Variants in ATRNL1 observed in about 807,000 individuals in gnomAD.
ATRNL1 encodes attractin like 1.
A neutral mutation model predicts 182.7 loss-of-function variants in ATRNL1; 95 were observed. The ratio of observed to expected loss-of-function variants is 0.52; its 90% CI spans 0.44 to 0.62. ATRNL1 has a LOEUF of 0.62. Among genes scored for constraint, ATRNL1 ranks in the 20% least tolerant of loss-of-function variants. The pLI is 0.00. For synonymous variants in ATRNL1, 576 were observed against 568.3 expected (o/e 1.01, Z -0.19); for missense variants, 1,471 against 1,679.5 (o/e 0.88, Z 2.17).
At position 115,121,952 on chromosome 10, in the gene ATRNL1, G is replaced by T. The variant is rs563625513; in HGVS notation, c.491+140G>T. The T allele has an allele frequency of 2.1e-5, 9 of 418,916 alleles. No individual in the cohort carries two copies. The East Asian group carries it at 3.4e-4, about 16-fold the overall frequency. The allele number at this position is 418,916 out of a possible 1,614,324, so 25.9% of individuals were successfully genotyped here. Reference sequence around the variant, plus strand: ...ACAGATGATTATAATACTTTGTTATGTGCTGTAACTGTCAATTTAGGTAAT... The same window carrying T: ...ACAGATGATTATAATACTTTGTTATTTGCTGTAACTGTCAATTTAGGTAAT... On this transcript the variant is annotated intron_variant, in intron 3 of 28. Transcript: ENST00000355044.
intron 9 of ATRNL1, among the ~76,000 whole-genome samples, chr10:115,226,153 A>G (rs1554898628): frequency 1.3e-5 from 2 of 151,926 alleles, no homozygotes; most frequent in African/African-American, 4.8e-5. Context: ...ACAAAGGTGG[A>G]ACTACAGAGC....
chr10:115,887,207 C>T (rs549838468), intron 28 of ATRNL1, among the ~76,000 whole-genome samples: 2 of 152,286 alleles, frequency 1.3e-5, no homozygotes, highest in East Asian at 1.9e-4. Context: ...ACCTGGAGGT[C>T]GACTGTCTCT....
intron 20 of ATRNL1, among the ~76,000 whole-genome samples, chr10:115,399,411 C>T (rs1001121737): frequency 2.6e-5 from 4 of 151,924 alleles, no homozygotes; most frequent in East Asian, 1.9e-4. Context: ...AGGGTTTATG[C>T]GTCCAGAAAT....
At chr10:115,625,062 TA>T (rs1858003507) in intron 26 of ATRNL1, among the ~76,000 whole-genome samples, 1 of 152,148 alleles carries the variant, frequency 6.6e-6, no homozygotes, top group African/African-American at 2.4e-5. Context: ...ACAAGCAGTG[TA>T]GACTGGCAGA....
intron 9 of ATRNL1, among the ~76,000 whole-genome samples, chr10:115,227,513 A>G (rs1442575717): frequency 6.6e-6 from 1 of 152,158 alleles, no homozygotes. Context: ...TAGTTTGGAG[A>G]TTTCTTAAAG....
chr10:115,710,888 C>A (rs1947043658), intron 26 of ATRNL1, among the ~76,000 whole-genome samples: 1 of 152,014 alleles, frequency 6.6e-6, no homozygotes, highest in Non-Finnish European at 1.5e-5. Flanking sequence ...TCAAAATGAA[C>A]TTTTTTTCTT....
At chr10:115,519,947 G>T (rs1257801952) in intron 25 of ATRNL1, among the ~76,000 whole-genome samples, 7 of 152,210 alleles carry the variant, frequency 4.6e-5, no homozygotes, top group Admixed American at 2.6e-4. Flanking sequence ...GGATGTAAAT[G>T]TAGAGACTCT....
chr10:115,158,134 T>G (rs566967188), intron 5 of ATRNL1, among the ~76,000 whole-genome samples: 33 of 152,224 alleles, frequency 2.2e-4, no homozygotes, highest in African/African-American at 7.5e-4. Flanking sequence ...TTACTCTATT[T>G]TCTTTGGTAT....
At chr10:115,169,583 G>T (rs1847203437) in intron 7 of ATRNL1, among the ~76,000 whole-genome samples, 2 of 152,028 alleles carry the variant, frequency 1.3e-5, no homozygotes, top group Non-Finnish European at 2.9e-5. Context: ...TTACAAGATT[G>T]TTCTGATGTT....
intron 21 of ATRNL1, among the ~76,000 whole-genome samples, chr10:115,448,118 T>C (rs1847098655): frequency 6.6e-6 from 1 of 152,162 alleles, no homozygotes; most frequent in Non-Finnish European, 1.5e-5. Context: ...TATTGATTTA[T>C]ACTAGTTTTA....
chr10:115,917,629 T>C (rs1336366054), intron 28 of ATRNL1, among the ~76,000 whole-genome samples: 1 of 152,228 alleles, frequency 6.6e-6, no homozygotes, highest in Non-Finnish European at 1.5e-5. Flanking sequence ...GTTATTTAAA[T>C]GGATAACATC....
rs374166902 is a variant in ATRNL1 at position 115,643,671 on chromosome 10, C to A, written c.3796-83577C>A. On this transcript the variant is annotated intron_variant, in intron 26 of 28. Coordinates refer to ENST00000355044, the MANE Select transcript of ATRNL1 (RefSeq NM_207303.4). ...TTTAACAAAGAAGATATATGGATGACCAATAAGAATATGATGATACTCAAT... is the reference window on the plus strand; with the variant it reads ...TTTAACAAAGAAGATATATGGATGAACAATAAGAATATGATGATACTCAAT... 1.8e-4 allele frequency among the ~76,000 whole-genome samples: 27 copies of A among 152,058 alleles called. 1 individual carries two copies. The highest frequency in any genetic ancestry group is 8.5e-4 in the Admixed American group (13 of 15,246).
chr10:115,838,565 A>G (rs1950732894), intron 27 of ATRNL1, among the ~76,000 whole-genome samples: 1 of 152,188 alleles, frequency 6.6e-6, no homozygotes, highest in South Asian at 2.1e-4. Context: ...GCAAGCTGGC[A>G]TTGGTGGTTT....
At chr10:115,119,919 T>G (rs1323021157) in intron 1 of ATRNL1, among the ~76,000 whole-genome samples, 1 of 152,130 alleles carries the variant, frequency 6.6e-6, no homozygotes, top group Non-Finnish European at 1.5e-5. Context: ...CAGTACTATG[T>G]TCAGTCTTTC....
At chr10:115,728,348 T>A (rs1392123000) in intron 27 of ATRNL1, among the ~76,000 whole-genome samples, 1 of 149,212 alleles carries the variant, frequency 6.7e-6, no homozygotes, top group Non-Finnish European at 1.5e-5. Context: ...CAAATTATGA[T>A]TAATGACTAT....
At chr10:115,829,242 GGAAAA>G (rs1950506839) in intron 27 of ATRNL1, among the ~76,000 whole-genome samples, 1 of 152,104 alleles carries the variant, frequency 6.6e-6, no homozygotes, top group Admixed American at 6.6e-5. Flanking sequence ...TTCTACTTTA[GGAAAA>G]GAAAAGGGAA....
intron 25 of ATRNL1, among the ~76,000 whole-genome samples, chr10:115,534,065 A>G (rs1257832038): frequency 1.3e-5 from 2 of 151,970 alleles, no homozygotes; most frequent in East Asian, 1.9e-4. Flanking sequence ...TGGTGCTGAA[A>G]AAAATGTATA....
intron 6 of ATRNL1, among the ~76,000 whole-genome samples, chr10:115,161,987 C>T (rs1846809432): frequency 6.6e-6 from 1 of 151,706 alleles, no homozygotes; most frequent in African/African-American, 2.4e-5. Context: ...ATTAGAAAGA[C>T]TTTTACAGAA....
chr10:115,756,572 T>G (rs1555072114), intron 27 of ATRNL1, among the ~76,000 whole-genome samples: 3 of 152,188 alleles, frequency 2.0e-5, no homozygotes, highest in Non-Finnish European at 4.4e-5. Context: ...GAGGAGTGTT[T>G]TCCTTCCAAT....
Sources: gnomAD v4.1 joint callset for allele counts (sites outside exome capture counted in the v4.1 genomes callset) on GRCh38, gnomAD v4.1.1 for gene constraint, MANE v1.5 for transcripts, NCBI Gene and HGNC (gene_info 2026-07-23, HGNC 2026-07-21) for gene names.